METTL15: variants seen among roughly 807,000 people sequenced by gnomAD.
The protein encoded by METTL15 is methyltransferase 15, mitochondrial 12S rRNA N4-cytidine.
A neutral mutation model predicts 38.3 loss-of-function variants in METTL15; 34 were observed. That is an observed-to-expected ratio of 0.89 (90% confidence interval 0.68 to 1.18). The LOEUF is 1.18. METTL15 is among the 50% of genes most tolerant of loss of function. The pLI is 0.00. For missense variants in METTL15, 438 were observed against 498.4 expected (o/e 0.88, Z 1.15); for synonymous variants, 162 against 170.9 (o/e 0.95, Z 0.41).
chr11:28,390,544 T>C (rs987416687), intron 5 of METTL15, among the ~76,000 whole-genome samples: 6 of 152,086 alleles, frequency 3.9e-5, no homozygotes, highest in African/African-American at 7.2e-5. Context: ...GTTGTAGATA[T>C]GTAGTGTTAT....
intron 6 of METTL15, among the ~76,000 whole-genome samples, chr11:28,440,516 C>G (rs1186276493): frequency 6.6e-6 from 1 of 152,182 alleles, no homozygotes; most frequent in Non-Finnish European, 1.5e-5. Flanking sequence ...GTAACTTTCT[C>G]AAAGTCACCT....
At chr11:28,126,948 A>G (rs1390906868) in intron 3 of METTL15, among the ~76,000 whole-genome samples, 1 of 152,126 alleles carries the variant, frequency 6.6e-6, no homozygotes, top group Admixed American at 6.6e-5. Flanking sequence ...AGACAATTAA[A>G]TAGGTTAAGA....
chr11:28,503,864 C>T (rs1392911843), intron 6 of METTL15, among the ~76,000 whole-genome samples: 1 of 151,410 alleles, frequency 6.6e-6, no homozygotes, highest in Non-Finnish European at 1.5e-5. Flanking sequence ...TCCTGTTATA[C>T]TGTCCTGATA....
At chr11:28,140,391 C>T (rs1849658951) in intron 3 of METTL15, among the ~76,000 whole-genome samples, 1 of 152,152 alleles carries the variant, frequency 6.6e-6, no homozygotes, top group Admixed American at 6.5e-5. Context: ...TTTGGGGGTA[C>T]TCTCCAGCAT....
intron 4 of METTL15, among the ~76,000 whole-genome samples, chr11:28,258,396 C>CA (rs1855059898): frequency 6.6e-6 from 1 of 152,116 alleles, no homozygotes; most frequent in Non-Finnish European, 1.5e-5. Context: ...TGCCTATGTT[C>CA]ACTTCAGGCC....
intron 4 of METTL15, among the ~76,000 whole-genome samples, chr11:28,257,008 A>G (rs565681283): frequency 1.2e-3 from 187 of 152,272 alleles, no homozygotes; most frequent in African/African-American, 4.3e-3. Context: ...TATAGTTTCC[A>G]AAATTCCACT....
intron 3 of METTL15, among the ~76,000 whole-genome samples, chr11:28,141,364 A>G (rs913065982): frequency 2.0e-5 from 3 of 152,070 alleles, no homozygotes; most frequent in East Asian, 3.9e-4. Flanking sequence ...TATCTGAAAG[A>G]TCAATCTTAG....
At chr11:28,231,663 TTG>T (rs907082983) in intron 4 of METTL15, among the ~76,000 whole-genome samples, 2 of 151,916 alleles carry the variant, frequency 1.3e-5, no homozygotes, top group Non-Finnish European at 2.9e-5. Context: ...GCTCACAATG[TTG>T]TGTCATACCT....
chr11:28,523,025 G>T (rs1004394316), intron 6 of METTL15, among the ~76,000 whole-genome samples: 1 of 152,082 alleles, frequency 6.6e-6, no homozygotes. Flanking sequence ...CAATGGATGC[G>T]GTTCTTGCCT....
At chr11:28,238,463 C>T (rs540629212) in intron 4 of METTL15, among the ~76,000 whole-genome samples, 7 of 152,302 alleles carry the variant, frequency 4.6e-5, no homozygotes, top group African/African-American at 1.4e-4. Flanking sequence ...GTCGGAAAAG[C>T]GCAGTATTCG....
intron 3 of METTL15, among the ~76,000 whole-genome samples, chr11:28,136,476 A>G (rs1244983704): frequency 6.6e-6 from 1 of 152,102 alleles, no homozygotes; most frequent in East Asian, 1.9e-4. Context: ...TCTTTCCTTT[A>G]TAAATTACCC....
chr11:28,214,754 G>A (rs1013411295), intron 4 of METTL15, among the ~76,000 whole-genome samples: 4 of 152,140 alleles, frequency 2.6e-5, no homozygotes, highest in African/African-American at 7.2e-5. Context: ...AAAGGCTAAA[G>A]CAAGGTTAGA....
At chr11:28,161,950 G>T (rs749493818) in intron 3 of METTL15, among the ~76,000 whole-genome samples, 9 of 152,122 alleles carry the variant, frequency 5.9e-5, no homozygotes, top group Non-Finnish European at 1.2e-4. Context: ...AGATGATACT[G>T]CAAATAGGAT....
intron 6 of METTL15, among the ~76,000 whole-genome samples, chr11:28,310,431 G>T (rs1266751522): frequency 6.6e-6 from 1 of 151,958 alleles, no homozygotes; most frequent in Admixed American, 6.6e-5. Flanking sequence ...ATGCTTGTCT[G>T]ATTGCTTCTC....
chr11:28,315,348 C>T (rs1159052705), intron 6 of METTL15, among the ~76,000 whole-genome samples: 4 of 152,170 alleles, frequency 2.6e-5, no homozygotes, highest in African/African-American at 4.8e-5. Context: ...AGACTGGCAG[C>T]GTTTTGCCCC....
At chr11:28,193,108 C>G (rs913982478) in intron 3 of METTL15, among the ~76,000 whole-genome samples, 1 of 152,012 alleles carries the variant, frequency 6.6e-6, no homozygotes, top group African/African-American at 2.4e-5. Context: ...CATTCTATCT[C>G]AGGAGAATAC....
intron 3 of METTL15, among the ~76,000 whole-genome samples, chr11:28,132,428 T>TC: frequency 6.6e-6 from 1 of 152,158 alleles, no homozygotes; most frequent in South Asian, 2.1e-4. Flanking sequence ...AAATCCAATT[T>TC]GTTCTTGTCC....
At chr11:28,424,812 A>T (rs1590369550) in intron 6 of METTL15, among the ~76,000 whole-genome samples, 1 of 152,184 alleles carries the variant, frequency 6.6e-6, no homozygotes, top group Non-Finnish European at 1.5e-5. Context: ...ATGACACCAG[A>T]CATTCCAGAC....
intron 3 of METTL15, among the ~76,000 whole-genome samples, chr11:28,173,493 G>A (rs946432464): frequency 1.3e-5 from 2 of 152,158 alleles, no homozygotes; most frequent in African/African-American, 4.8e-5. Context: ...TTGCTTATAA[G>A]CCACCTGGTT....
Sources: gnomAD v4.1 joint callset for allele counts (sites outside exome capture counted in the v4.1 genomes callset) on GRCh38, gnomAD v4.1.1 for gene constraint, MANE v1.5 for transcripts, NCBI Gene and HGNC (gene_info 2026-07-23, HGNC 2026-07-21) for gene names.